Variants in ANO4 observed in about 807,000 individuals in gnomAD.
The protein encoded by ANO4 is anoctamin-4.
ANO4 carries 69 observed loss-of-function variants against 141.9 expected under a neutral mutation model. The ratio of observed to expected loss-of-function variants is 0.49; its 90% CI spans 0.40 to 0.59. ANO4 has a LOEUF of 0.59. ANO4 is among the 20% of genes least tolerant of loss of function. The pLI is 0.00. For synonymous variants in ANO4, 350 were observed against 394.3 expected, an observed-to-expected ratio of 0.89 and a Z score of 1.33; for missense variants, 894 against 1,162.2, an observed-to-expected ratio of 0.77 and a Z score of 3.36.
intron 3 of ANO4, among the ~76,000 whole-genome samples, chr12:100,751,520 G>A (rs1384471151): frequency 6.6e-6 from 1 of 152,046 alleles, no homozygotes; most frequent in African/African-American, 2.4e-5. Context: ...TGCAGTTTTT[G>A]TCTTTTTCAG....
chr12:100,933,363 T>G (rs1033671860), intron 3 of ANO4, among the ~76,000 whole-genome samples: 1 of 152,174 alleles, frequency 6.6e-6, no homozygotes, highest in African/African-American at 2.4e-5. Flanking sequence ...AGTGAGAGCA[T>G]GCGGTGTTTG....
At chr12:100,907,852 A>C (rs906571382) in intron 2 of ANO4, among the ~76,000 whole-genome samples, 1 of 152,194 alleles carries the variant, frequency 6.6e-6, no homozygotes, top group Non-Finnish European at 1.5e-5. Context: ...TATCTCTTTG[A>C]AAATGCAGTG....
chr12:100,747,876 A>G (rs1725460177), intron 3 of ANO4, among the ~76,000 whole-genome samples: 1 of 152,198 alleles, frequency 6.6e-6, no homozygotes, highest in African/African-American at 2.4e-5. Flanking sequence ...TCTGTCTTAA[A>G]AGCAAACAAA....
At chr12:100,723,080 C>A (rs1235423526) in intron 1 of ANO4, among the ~76,000 whole-genome samples, 1 of 152,168 alleles carries the variant, frequency 6.6e-6, no homozygotes, top group African/African-American at 2.4e-5. Flanking sequence ...TAAGAAGCTG[C>A]AGCAAAGCAT....
At chr12:100,979,041 G>A (rs540001067) in intron 7 of ANO4, among the ~76,000 whole-genome samples, 14 of 152,192 alleles carry the variant, frequency 9.2e-5, no homozygotes, top group Non-Finnish European at 1.3e-4. Context: ...AGAGAAGAGC[G>A]CCTGTGGCAG....
chr12:100,920,095 G>A (rs974760816), intron 2 of ANO4, among the ~76,000 whole-genome samples: 4 of 152,130 alleles, frequency 2.6e-5, no homozygotes, highest in African/African-American at 7.2e-5. Flanking sequence ...AGTCTATTTA[G>A]GAAGTCACTT....
intron 3 of ANO4, among the ~76,000 whole-genome samples, chr12:100,927,232 G>A (rs2041911931): frequency 6.6e-6 from 1 of 152,128 alleles, no homozygotes; most frequent in Non-Finnish European, 1.5e-5. Flanking sequence ...AGGAAAGTGG[G>A]AGTGTCAGCA....
chr12:100,793,008 G>T (rs530292384), upstream of ANO4, among the ~76,000 whole-genome samples: 15 of 152,194 alleles, frequency 9.9e-5, no homozygotes, highest in Non-Finnish European at 1.9e-4. Flanking sequence ...GAGCTTTGAG[G>T]CTAAAGTCCA....
chr12:101,034,426 G>T (rs1323795525), intron 9 of ANO4, among the ~76,000 whole-genome samples: 1 of 152,076 alleles, frequency 6.6e-6, no homozygotes, highest in East Asian at 1.9e-4. Context: ...CTCATAAGCA[G>T]GAATTGAACA....
intron 14 of ANO4, among the ~76,000 whole-genome samples, chr12:101,071,957 G>A (rs2048829259): frequency 6.6e-6 from 1 of 152,146 alleles, no homozygotes; most frequent in Non-Finnish European, 1.5e-5. Context: ...AAATGCCTTA[G>A]TAACGTGATG....
At chr12:100,858,580 CTT>C (rs1319411397) in intron 1 of ANO4, among the ~76,000 whole-genome samples, 2 of 152,042 alleles carry the variant, frequency 1.3e-5, no homozygotes, top group Non-Finnish European at 2.9e-5. Flanking sequence ...ATTTCTTTTG[CTT>C]TTTAAAGATA....
intron 1 of ANO4, among the ~76,000 whole-genome samples, chr12:100,801,493 A>G (rs984740963): frequency 7.7e-6 from 1 of 130,408 alleles, no homozygotes; most frequent in Admixed American, 8.6e-5. Flanking sequence ...GTACCAAGGA[A>G]TGAAAGATTT....
chr12:101,028,324 A>G (rs2046827629), intron 9 of ANO4, among the ~76,000 whole-genome samples: 1 of 152,214 alleles, frequency 6.6e-6, no homozygotes, highest in Non-Finnish European at 1.5e-5. Context: ...TGGGTGAAGG[A>G]TGAGATGGAC....
Position 101,034,128 on chromosome 12 carries a change from C to A in ANO4, c.842-2967C>A, listed in dbSNP as rs748674555. 3.3e-5 allele frequency among the ~76,000 whole-genome samples: 5 copies of A among 152,114 alleles called. No individual in the cohort carries two copies. The South Asian group carries it at 6.2e-4, about 19-fold the overall frequency. ...AGAAATACCATTTGACCCAGCAATC[C>A]CATTACTGGGTGTATACCTAAAGGA... is the stretch of plus-strand genomic sequence containing the variant. On this transcript the variant is annotated intron_variant, in intron 9 of 27. Coordinates refer to ENST00000392977, the MANE Select transcript of ANO4 (RefSeq NM_001286615.2).
chr12:101,099,787 C>T, intron 22 of ANO4, 67 bp downstream of exon 22: 3 of 1,317,506 alleles, frequency 2.3e-6, no homozygotes, highest in Admixed American at 5.5e-5. Context: ...TTCAACTAAA[C>T]ATATACCCGT....
At chr12:100,917,739 A>C (rs1042252864) in intron 2 of ANO4, among the ~76,000 whole-genome samples, 3 of 152,190 alleles carry the variant, frequency 2.0e-5, no homozygotes, top group Non-Finnish European at 4.4e-5. Context: ...TCTATGAAAG[A>C]GTATTCTGTA....
chr12:101,120,647 C>A, intron 26 of ANO4, 22 bp downstream of exon 26: 2 of 1,578,658 alleles, frequency 1.3e-6, no homozygotes, highest in Non-Finnish European at 1.7e-6. Flanking sequence ...CAGCCAAATT[C>A]TTTATTTCCT....
intron 8 of ANO4, among the ~76,000 whole-genome samples, chr12:100,997,331 CAAAA>C (rs34066695): frequency 2.6e-5 from 2 of 75,944 alleles, no homozygotes; most frequent in Admixed American, 3.3e-4. Flanking sequence ...GACTCTGTCT[CAAAA>C]AAAAAAAAAA....
chr12:101,117,822 G>A (rs943193046), intron 25 of ANO4, among the ~76,000 whole-genome samples: 1 of 152,168 alleles, frequency 6.6e-6, no homozygotes, highest in African/African-American at 2.4e-5. Context: ...AGGGACTTTT[G>A]TAATGATCCA....
Sources: gnomAD v4.1 joint callset for allele counts (sites outside exome capture counted in the v4.1 genomes callset) on GRCh38, gnomAD v4.1.1 for gene constraint, MANE v1.5 for transcripts, NCBI Gene and HGNC (gene_info 2026-07-23, HGNC 2026-07-21) for gene names.